The following PRKN variants were observed in gnomAD, a reference collection of about 807,000 sequenced individuals.
The protein encoded by PRKN is E3 ubiquitin-protein ligase parkin.
PRKN carries 56 observed loss-of-function variants against 59.5 expected under a neutral mutation model. The observed-to-expected ratio is 0.94, with a 90% CI of 0.76 to 1.18. The LOEUF (loss-of-function observed/expected upper bound fraction) is 1.18, where lower values mean the gene tolerates loss of function less well. Among genes scored for constraint, PRKN ranks in the 50% most tolerant of loss-of-function variants. The pLI is 0.00. For missense variants in PRKN, 657 were observed against 596.4 expected (o/e 1.10, Z -1.06); for synonymous variants, 250 against 222.1 (o/e 1.13, Z -1.12).
chr6:161,679,582 A>T, intron 7 of PRKN, among the ~76,000 whole-genome samples: 1 of 139,738 alleles, frequency 7.2e-6, no homozygotes, highest in African/African-American at 2.8e-5. Flanking sequence ...TTTTTTTTAA[A>T]CACCAACCTA....
At chr6:162,450,299 C>T (rs1458490271) in intron 1 of PRKN, among the ~76,000 whole-genome samples, 5 of 121,926 alleles carry the variant, frequency 4.1e-5, no homozygotes, top group Non-Finnish European at 7.8e-5. Context: ...TGTAACACCC[C>T]TGTGAATATG....
chr6:162,671,871 G>C (rs1463768269), intron 1 of PRKN, among the ~76,000 whole-genome samples: 1 of 152,128 alleles, frequency 6.6e-6, no homozygotes, highest in African/African-American at 2.4e-5. Context: ...CAGGTGCTGA[G>C]AGGAGGAGAG....
intron 2 of PRKN, among the ~76,000 whole-genome samples, chr6:162,358,647 A>G (rs1309338537): frequency 6.6e-6 from 1 of 151,686 alleles, no homozygotes; most frequent in Non-Finnish European, 1.5e-5. Flanking sequence ...ATCATTAAAA[A>G]CTCTTGAGTG....
intron 7 of PRKN, among the ~76,000 whole-genome samples, chr6:161,686,801 C>T (rs943897390): frequency 1.3e-5 from 2 of 152,172 alleles, no homozygotes; most frequent in African/African-American, 4.8e-5. Flanking sequence ...CAAACCACAG[C>T]CATCTCCTTA....
Position 162,284,215 on chromosome 6 carries a change from C to CTTTTTTTTT in PRKN, c.172-21459_172-21451dup, listed in dbSNP as rs35609309. Among the ~76,000 whole-genome samples the CTTTTTTTTT allele has an allele frequency of 3.3e-3, 251 of 75,646 alleles. 20 individuals carry two copies. The East Asian group carries it at 0.044, about 13-fold the overall frequency. 49.6% of individuals were successfully genotyped at this position (75,646 alleles called of 152,430 possible). ...TATTTATGTATTGTGTTATTTCTTTCTTTTTTTTTTTTTTTTTTTTTTTTT... is the reference window on the plus strand; with the variant it reads ...TATTTATGTATTGTGTTATTTCTTTCTTTTTTTTTTTTTTTTTTTTTTTTTTTTTTTTTT... On this transcript the variant is annotated intron_variant, in intron 2 of 11. Transcript: ENST00000366898.
Position 161,467,079 on chromosome 6 carries a change from C to T in PRKN, c.1084-80202G>A, listed in dbSNP as rs1790514604. Among the ~76,000 whole-genome samples, 1 of 152,204 alleles carries T rather than the reference C, an allele frequency of 6.6e-6. No individual in the cohort carries two copies. Among genetic ancestry groups the T allele is most frequent in the African/African-American group, 2.4e-5 (1 of 41,450 alleles). On this transcript the variant is annotated intron_variant, in intron 9 of 11. Coordinates refer to ENST00000366898, the MANE Select transcript of PRKN (RefSeq NM_004562.3). This position sits in a 1 kb window ranked among gnomAD's most constrained non-coding sequence, Gnocchi z 4.3. ...TTTGCCACTGATTTCATTTTCTTCT[C>T]ACTGTTGCCTCTGGATTAAAAAGCC...
chr6:162,601,351 G>C (rs918494093), intron 1 of PRKN, among the ~76,000 whole-genome samples: 1 of 152,062 alleles, frequency 6.6e-6, no homozygotes, highest in Admixed American at 6.6e-5. Context: ...ACGGTAAATG[G>C]GTTTTGTTTT....
chr6:161,556,953 G>C (rs1780261908), intron 8 of PRKN, among the ~76,000 whole-genome samples: 1 of 152,116 alleles, frequency 6.6e-6, no homozygotes, highest in Non-Finnish European at 1.5e-5. Flanking sequence ...AAAATAGTTT[G>C]CAAATTTCTA....
At chr6:161,925,373 C>T (rs1282759392) in intron 6 of PRKN, among the ~76,000 whole-genome samples, 1 of 152,078 alleles carries the variant, frequency 6.6e-6, no homozygotes, top group African/African-American at 2.4e-5. Flanking sequence ...AGATGGAGAC[C>T]ATCCTGGCTA....
intron 5 of PRKN, among the ~76,000 whole-genome samples, chr6:161,985,187 TA>T (rs1213859659): frequency 6.6e-6 from 1 of 152,196 alleles, no homozygotes; most frequent in Non-Finnish European, 1.5e-5. Context: ...TTTTGTAGCC[TA>T]GCCCGACAAT....
intron 2 of PRKN, among the ~76,000 whole-genome samples, chr6:162,317,915 AATATAT>A (rs149719681): frequency 6.6e-6 from 1 of 151,778 alleles, no homozygotes; most frequent in African/African-American, 2.4e-5. Flanking sequence ...AACATGGTAA[AATATAT>A]ATATAATCTA....
chr6:161,393,705 C>T lies in PRKN; in HGVS notation c.1084-6828G>A, dbSNP rs1266692260. On this transcript the variant is annotated intron_variant, in intron 9 of 11. Coordinates refer to ENST00000366898, the MANE Select transcript of PRKN (RefSeq NM_004562.3). This position sits in a 1 kb window ranked among gnomAD's most constrained non-coding sequence, Gnocchi z 4.7. ...CAATCAGGTTGAGAGCCAGTAGGTACCTACAAGCAATGACCCTTAAAATAA... is the reference window on the plus strand; with the variant it reads ...CAATCAGGTTGAGAGCCAGTAGGTATCTACAAGCAATGACCCTTAAAATAA... Among the ~76,000 whole-genome samples the T allele has an allele frequency of 2.0e-5, 3 of 151,480 alleles. No homozygotes were observed. The highest frequency in any genetic ancestry group is 4.4e-5 in the Non-Finnish European group (3 of 67,920).
chr6:162,594,677 G>A (rs957503856), intron 1 of PRKN, among the ~76,000 whole-genome samples: 7 of 135,972 alleles, frequency 5.1e-5, no homozygotes, highest in Non-Finnish European at 9.8e-5. Flanking sequence ...CAAGTTCACT[G>A]TTAGTTACAG....
chr6:161,923,768 GGT>G (rs1437874053), intron 6 of PRKN, among the ~76,000 whole-genome samples: 6 of 152,078 alleles, frequency 3.9e-5, no homozygotes, highest in African/African-American at 1.4e-4. Flanking sequence ...GACACTGTTA[GGT>G]AACTGCAGTA....
At chr6:162,207,815 T>C (rs1261265503) in intron 3 of PRKN, among the ~76,000 whole-genome samples, 1 of 152,312 alleles carries the variant, frequency 6.6e-6, no homozygotes, top group South Asian at 2.1e-4. Context: ...TGAAGTTCCC[T>C]GAACTCAATA....
intron 4 of PRKN, among the ~76,000 whole-genome samples, chr6:162,172,287 G>A (rs535096031): frequency 4.1e-4 from 62 of 152,286 alleles, no homozygotes; most frequent in African/African-American, 1.4e-3. Flanking sequence ...ATGGGAGATG[G>A]GGCAGATATT....
intron 4 of PRKN, among the ~76,000 whole-genome samples, chr6:162,181,710 G>C (rs563711697): frequency 3.3e-5 from 5 of 152,112 alleles, no homozygotes; most frequent in African/African-American, 4.8e-5. Context: ...CACTAAGTGG[G>C]AATCAGGTCC....
chr6:162,294,247 C>G (rs1781562167), intron 2 of PRKN, among the ~76,000 whole-genome samples: 1 of 152,086 alleles, frequency 6.6e-6, no homozygotes, highest in South Asian at 2.1e-4. Context: ...GCCAAAAGCT[C>G]TGTTTCCTGG....
intron 6 of PRKN, among the ~76,000 whole-genome samples, chr6:161,947,202 T>C (rs917577994): frequency 3.9e-5 from 6 of 152,162 alleles, no homozygotes; most frequent in African/African-American, 1.4e-4. Context: ...CAGCCATAGA[T>C]AAAAAGATGT....
Sources: allele counts gnomAD v4.1 joint callset (sites outside exome capture counted in the v4.1 genomes callset), GRCh38; gene constraint gnomAD v4.1.1; non-coding constraint Gnocchi (gnomAD v3.1); transcripts MANE v1.5; gene names NCBI Gene and HGNC (gene_info 2026-07-23, HGNC 2026-07-21).